The following MUC6 variants were observed in gnomAD, a reference collection of about 807,000 sequenced individuals.
MUC6 encodes the protein mucin 6, oligomeric mucus/gel-forming (gene/pseudogene).
A neutral mutation model predicts 201.5 loss-of-function variants in MUC6; 188 were observed. The ratio of observed to expected loss-of-function variants is 0.93; its 90% CI spans 0.83 to 1.05. The LOEUF (loss-of-function observed/expected upper bound fraction) is 1.05. MUC6 is among the 50% of genes least tolerant of loss of function. MUC6 has a pLI of 0.00. For synonymous variants in MUC6, 1,228 were observed against 1,389.4 expected (o/e 0.88, Z 2.58); for missense variants, 2,706 against 3,256.9 (o/e 0.83, Z 4.12).
At chr11:1,035,517 AC>A (rs1467191405) in intron 1 of MUC6, among the ~76,000 whole-genome samples, 1 of 145,332 alleles carries the variant, frequency 6.9e-6, no homozygotes, top group Non-Finnish European at 1.5e-5. Flanking sequence ...GGGCTCAGAG[AC>A]CCCCATATCT....
Position 1,028,335 on chromosome 11 carries a change from C to G in MUC6, c.1644G>C (p.Met548Ile), listed in dbSNP as rs1427269622. 1 of 1,612,568 alleles carries G rather than the reference C, an allele frequency of 6.2e-7. No individual in the cohort carries two copies. The highest frequency in any genetic ancestry group is 1.3e-5 in the African/African-American group (1 of 74,932). ...GDTTDDFTTS[M>I]GIAEGTASLF... ...GCGAGGCGGTGCCCTCGGCGATACC[C>G]ATGCTAGTGGTGAAGTCATCCGTTG... The change falls in exon 14 of 33, where the codon ATG becomes ATC. Residue 548 changes from methionine (M) to isoleucine (I), a missense_variant. Met to Ile is a conservative substitution (Grantham distance 10). This residue lies in a region of MUC6 where 1,850 missense variants were observed against 1,958.3 expected (regional missense o/e 0.94). Coordinates refer to ENST00000421673, the MANE Select transcript of MUC6 (RefSeq NM_005961.3).
In MUC6 at chr11:1,033,969, C is replaced by G. The variant is rs1030637967; in HGVS notation, c.53-894G>C. On this transcript the variant is annotated intron_variant, in intron 1 of 32. Coordinates refer to ENST00000421673, the MANE Select transcript of MUC6 (RefSeq NM_005961.3). This position sits in a 1 kb window ranked among gnomAD's most constrained non-coding sequence, Gnocchi z 5.6. ...ACAGCACCTCCTTCCAGATGTAGCT[C>G]AGAGATCCCATTCCTGCCACTCCTC... Among the ~76,000 whole-genome samples the G allele has an allele frequency of 1.3e-5, 2 of 152,184 alleles. No individual in the cohort carries two copies. The highest frequency in any genetic ancestry group is 4.8e-5 in the African/African-American group (2 of 41,456).
rs771396741 is a variant in MUC6 at position 1,024,110 on chromosome 11, G to A, written c.3226-7C>T. 9.9e-6 allele frequency: 16 copies of A among 1,611,008 alleles called. 1 individual carries two copies. In the South Asian group the frequency reaches 1.4e-4, roughly 14 times the overall value. ...AGTAGGGCAGGTGGTATACCTGCAG[G>A]GGTGTGTGCCAGTCAGTGTCTGGCT... On this transcript the variant is annotated splice_polypyrimidine_tract_variant and splice_region_variant and intron_variant, in intron 24 of 32. Transcript: ENST00000421673.
chr11:1,025,802 C>T lies in MUC6; in HGVS notation c.2799+3G>A. 6.2e-7 allele frequency: 1 copy of T among 1,610,408 alleles called. No individual in the cohort carries two copies. Among genetic ancestry groups the T allele is most frequent in the Admixed American group, 1.7e-5 (1 of 59,820 alleles). ...CCCTGCCAGAGTCTGCCCGGCTGCT[C>T]ACCCCCAGGAAGATCTTGATGGCCC... On this transcript the variant is annotated splice_donor_region_variant and intron_variant, in intron 22 of 32. Coordinates refer to ENST00000421673, the MANE Select transcript of MUC6 (RefSeq NM_005961.3).
At chr11:1,031,782 G>T (rs775796404) in intron 3 of MUC6, 31 bp downstream of exon 3, 3 of 1,560,614 alleles carry the variant, frequency 1.9e-6, no homozygotes, top group Non-Finnish European at 2.6e-6. Flanking sequence ...TCCGGCCCCC[G>T]AGCCCCCGGG....
In MUC6 at chr11:1,030,201, G is replaced by T; in HGVS notation, c.1015+12C>A. 4 of 1,549,990 alleles carry T rather than the reference G, an allele frequency of 2.6e-6. No individual in the cohort carries two copies. Among genetic ancestry groups the T allele is most frequent in the Non-Finnish European group, 3.5e-6 (4 of 1,148,436 alleles). On this transcript the variant is annotated intron_variant, in intron 8 of 32. Transcript: ENST00000421673. ...GGTCCCGGGGAGAGAGAGTGCCTGCGACTGCCCTCACCTTCCGGGCAGAAG... is the reference window on the plus strand; with the variant it reads ...GGTCCCGGGGAGAGAGAGTGCCTGCTACTGCCCTCACCTTCCGGGCAGAAG...
intron 4 of MUC6, 130 bp downstream of exon 4, chr11:1,031,477 G>T (rs1263388007): frequency 4.2e-6 from 6 of 1,425,298 alleles, no homozygotes; most frequent in Non-Finnish European, 5.6e-6. Context: ...GCACTGCTTG[G>T]CACGAAGGGC....
chr11:1,024,153 C>T, intron 24 of MUC6, 50 bp from the exon 25 acceptor site: 1 of 1,575,520 alleles, frequency 6.3e-7, no homozygotes, highest in Non-Finnish European at 8.6e-7. Flanking sequence ...GATGGCGGGG[C>T]ATCAGGCTTT....
Position 1,016,523 on chromosome 11 carries a change from C to A in MUC6, c.6278G>T (p.Trp2093Leu), listed in dbSNP as rs567254591. 106 of 1,532,414 alleles carry A rather than the reference C, an allele frequency of 6.9e-5. 3 individuals are homozygous for A. In the South Asian group the frequency reaches 1.0e-3, roughly 15 times the overall value. The allele number at this position is 1,532,414 out of a possible 1,614,324, so 94.9% of individuals were successfully genotyped here. A position where few individuals can be genotyped will look rare whatever the true frequency, so the allele number is the denominator to read the frequency against. The change falls in exon 31 of 33, where the codon TGG (tryptophan) becomes TTG (leucine). Residue 2093 changes from tryptophan to leucine, a missense_variant. Physicochemically the swap from Trp to Leu is moderately conservative, Grantham distance 61. This residue lies in a region of MUC6 where 586 missense variants were observed against 488.0 expected (regional missense o/e 1.20). Transcript: ENST00000421673. Reference protein sequence around the residue: ...ASSSFISSSSWLPQNSSSRPP... With the variant: ...ASSSFISSSSLLPQNSSSRPP... Reference sequence around the variant, plus strand: ...CCTTGAGCTAGAGTTCTGAGGCAGCCAAGACGAGGAGGATATGAAGGAAGA... The same window carrying A: ...CCTTGAGCTAGAGTTCTGAGGCAGCAAAGACGAGGAGGATATGAAGGAAGA...
At chr11:1,026,180 CT>C in intron 20 of MUC6, 39 bp from the exon 21 acceptor site, 1 of 1,566,376 alleles carries the variant, frequency 6.4e-7, no homozygotes, top group African/African-American at 1.3e-5. Flanking sequence ...GCCTGCGGCC[CT>C]CCTGCCATAC....
At chr11:1,022,196 CT>C (rs1856828882) in intron 26 of MUC6, among the ~76,000 whole-genome samples, 1 of 148,216 alleles carries the variant, frequency 6.7e-6, no homozygotes. Context: ...GCGCCCCTCA[CT>C]CACTCCCTCT....
Position 1,029,585 on chromosome 11 carries a change from TGGTTATTGGAGA to T in MUC6, c.1034_1045del (p.Leu345_Asn348del). The stretch of plus-strand genomic sequence containing the variant: ...GCACTGGGTGACGGGCACGCAGGTG[TGGTTATTGGAGA>T]GGTCATTCAGGACCGTACCTGCAGG... On this transcript the variant is annotated inframe_deletion, in exon 9 of 33. Transcript: ENST00000421673. The T allele has an allele frequency of 6.2e-7, 1 of 1,606,418 alleles. No homozygotes were observed. Among genetic ancestry groups the T allele is most frequent in the East Asian group, 2.2e-5 (1 of 44,700 alleles).
At position 1,026,413 on chromosome 11, in the gene MUC6, C is replaced by T. The variant is rs779048860; in HGVS notation, c.2460G>A (p.Gln820=). The change falls in exon 20 of 33, where the codon CAG becomes CAA. Residue 820 remains glutamine (Q), a synonymous_variant. Transcript: ENST00000421673. ...ATGGGCACTCCTCGGGGGGCACACA[C>T]TGCCCGTCGGCATTCTCGTAGAGGC... ...AEGLYENADG[Q]CVPPEECPCE... 1.1e-5 allele frequency: 18 copies of T among 1,609,068 alleles called. No homozygotes were observed. The South Asian group carries it at 1.3e-4, about 12-fold the overall frequency.
At chr11:1,023,406 G>T (rs1856870299) in intron 26 of MUC6, 103 bp downstream of exon 26, 1 of 1,364,866 alleles carries the variant, frequency 7.3e-7, no homozygotes, top group Non-Finnish European at 9.9e-7. Flanking sequence ...TAATGAGCAT[G>T]AATGAATGTG....
intron 20 of MUC6, 37 bp downstream of exon 20, chr11:1,026,290 A>G (rs757407605): frequency 3.0e-5 from 46 of 1,552,134 alleles, no homozygotes; most frequent in South Asian, 2.9e-4. Flanking sequence ...AGATGGCCCC[A>G]GGAGCCCAGG....
intron 1 of MUC6, 62 bp downstream of exon 1, chr11:1,036,541 AC>A: frequency 6.6e-7 from 1 of 1,519,924 alleles, no homozygotes; most frequent in Non-Finnish European, 8.9e-7. Flanking sequence ...AGGCCCAGAG[AC>A]CCCCGCACAC....
chr11:1,014,109 C>A (rs1343612208), intron 31 of MUC6, 108 bp from the exon 32 acceptor site: 1 of 912,122 alleles, frequency 1.1e-6, no homozygotes, highest in Non-Finnish European at 1.7e-6. Context: ...GACTCTCCTG[C>A]CCAAGGTGTG....
At chr11:1,025,470 A>G in intron 22 of MUC6, 103 bp from the exon 23 acceptor site, 1 of 1,375,584 alleles carries the variant, frequency 7.3e-7, no homozygotes, top group Non-Finnish European at 9.9e-7. Flanking sequence ...CAGGTCTGTT[A>G]AGGCCATGCA....
In MUC6 at chr11:1,026,162, G is replaced by A. The variant is rs377697715; in HGVS notation, c.2547-21C>T. 78 of 1,583,076 alleles carry A rather than the reference G, an allele frequency of 4.9e-5. No homozygotes were observed. In the African/African-American group the frequency reaches 9.7e-4, roughly 20 times the overall value. ...AGGAGCTGTGGAGACAGCAGGTGTG[G>A]GTGGTGGGCCTGCGGCCCTCCTGCC... On this transcript the variant is annotated intron_variant, in intron 20 of 32. Transcript: ENST00000421673.
Sources: gnomAD v4.1 joint callset for allele counts (sites outside exome capture counted in the v4.1 genomes callset) on GRCh38, gnomAD v4.1.1 for gene constraint, gnomAD v4.1.1 regional missense constraint, Gnocchi (gnomAD v3.1) non-coding constraint, MANE v1.5 for transcripts, NCBI Gene and HGNC (gene_info 2026-07-23, HGNC 2026-07-21) for gene names.